ATP2B2: variants seen among roughly 807,000 people sequenced by gnomAD.
ATP2B2 encodes the protein plasma membrane calcium-transporting ATPase 2.
In ATP2B2, 15 loss-of-function variants were observed where a neutral mutation model predicts 120.0. That is an observed-to-expected ratio of 0.12 (90% CI 0.08 to 0.19). The LOEUF (loss-of-function observed/expected upper bound fraction) is 0.19, where lower values mean the gene tolerates loss of function less well. ATP2B2 is among the 10% of genes least tolerant of loss of function. ATP2B2 has a pLI of 1.00. For missense variants in ATP2B2, 1,045 were observed against 1,719.8 expected, an observed-to-expected ratio of 0.61 and a Z score of 6.94; for synonymous variants, 694 against 700.3, an observed-to-expected ratio of 0.99 and a Z score of 0.14.
chr3:10,368,454 C>T (rs537378342), intron 12 of ATP2B2, among the ~76,000 whole-genome samples: 1 of 152,150 alleles, frequency 6.6e-6, no homozygotes, highest in Admixed American at 6.5e-5. Flanking sequence ...CATATTCATC[C>T]ATCCATTCGT....
At chr3:10,570,659 T>C (rs1483167811) in intron 2 of ATP2B2, among the ~76,000 whole-genome samples, 1 of 152,220 alleles carries the variant, frequency 6.6e-6, no homozygotes, top group Non-Finnish European at 1.5e-5. Flanking sequence ...GCTGGCCTCT[T>C]GGTGGAGAGA....
chr3:10,565,042 T>A (rs2067981946), intron 2 of ATP2B2, among the ~76,000 whole-genome samples: 1 of 152,118 alleles, frequency 6.6e-6, no homozygotes, highest in Admixed American at 6.5e-5. Context: ...CTGGGGGGTG[T>A]GTGTCTTCCA....
At chr3:10,577,135 A>G (rs1341086620) in intron 2 of ATP2B2, among the ~76,000 whole-genome samples, 1 of 151,798 alleles carries the variant, frequency 6.6e-6, no homozygotes, top group Non-Finnish European at 1.5e-5. Flanking sequence ...ACTTGATGGA[A>G]GTCCAGGCAC....
chr3:10,513,952 A>G (rs542249742), intron 3 of ATP2B2, among the ~76,000 whole-genome samples: 1 of 152,302 alleles, frequency 6.6e-6, no homozygotes, highest in East Asian at 1.9e-4. Context: ...AAGAGGGGAC[A>G]CGCCCGCAAA....
intron 1 of ATP2B2, among the ~76,000 whole-genome samples, chr3:10,642,723 G>A (rs1009293516): frequency 3.3e-5 from 5 of 150,360 alleles, no homozygotes; most frequent in African/African-American, 9.8e-5. Context: ...AACAATGCCC[G>A]TGGATAATCT....
At chr3:10,488,288 T>TCCATCCATCCATCCAC (rs2065788088) in intron 1 of ATP2B2, among the ~76,000 whole-genome samples, 3 of 113,894 alleles carry the variant, frequency 2.6e-5, no homozygotes, top group Admixed American at 8.5e-5. Context: ...CATGCATCCA[T>TCCATCCATCCATCCAC]CCACCCACCC....
At chr3:10,566,353 G>A (rs1187345919) in intron 2 of ATP2B2, 6 of 152,202 alleles carry the variant, frequency 3.9e-5, no homozygotes, top group Admixed American at 6.5e-5. Flanking sequence ...CTGTGCTGGT[G>A]GCTCTTGGTC....
At chr3:10,412,322 C>T (rs1367068830) in intron 2 of ATP2B2, among the ~76,000 whole-genome samples, 2 of 152,202 alleles carry the variant, frequency 1.3e-5, no homozygotes, top group African/African-American at 2.4e-5. Context: ...GAAATTCAGG[C>T]GTGTGACCAG....
chr3:10,697,805 T>C (rs770635905), intron 1 of ATP2B2, among the ~76,000 whole-genome samples: 5 of 152,256 alleles, frequency 3.3e-5, no homozygotes, highest in Non-Finnish European at 7.3e-5. Flanking sequence ...TCTCAGGGTT[T>C]GATGGAGAAA....
Position 10,402,012 on chromosome 3 carries a change from T to A in ATP2B2, c.655+79A>T, listed in dbSNP as rs934179353. On this transcript the variant is annotated intron_variant, in intron 4 of 22. Coordinates refer to ENST00000360273, the MANE Select transcript of ATP2B2 (RefSeq NM_001001331.4). The surrounding 1 kb of genome is among the most constrained non-coding windows in gnomAD (Gnocchi z 4.9). ...GAATGCATCCCCTTCCTTGAGCCAA[T>A]CTCTTTGCATCAGCCTGGCCTGTCC... 1 of 1,599,352 alleles carries A rather than the reference T, an allele frequency of 6.3e-7. No homozygotes were observed. The highest frequency in any genetic ancestry group is 8.5e-7 in the Non-Finnish European group (1 of 1,177,252).
chr3:10,514,504 C>T (rs550782238), intron 3 of ATP2B2, among the ~76,000 whole-genome samples: 34 of 152,250 alleles, frequency 2.2e-4, no homozygotes, highest in Admixed American at 1.5e-3. Flanking sequence ...TGTGGACTTG[C>T]GGCGCATCAG....
At chr3:10,464,519 A>T (rs1467516014) in intron 1 of ATP2B2, among the ~76,000 whole-genome samples, 1 of 152,006 alleles carries the variant, frequency 6.6e-6, no homozygotes, top group Non-Finnish European at 1.5e-5. Context: ...CATGACCAAG[A>T]TTGCTATCTG....
rs940334322 is a variant in ATP2B2, at chr3:10,419,798, T to C, written c.200-8983A>G. Among the ~76,000 whole-genome samples, 3 of 152,220 alleles carry C rather than the reference T, an allele frequency of 2.0e-5. No individual in the cohort carries two copies. In the South Asian group the frequency reaches 6.2e-4, roughly 32 times the overall value. On this transcript the variant is annotated intron_variant, in intron 2 of 22. Coordinates refer to ENST00000360273, the MANE Select transcript of ATP2B2 (RefSeq NM_001001331.4). The stretch of plus-strand genomic sequence containing the variant: ...AGAGCTCAGCGGCCACCCTGCCCTG[T>C]TCCAGCCTGATCTAGTTGGGGGTAG...
At chr3:10,643,567 C>A (rs909961556) in intron 1 of ATP2B2, among the ~76,000 whole-genome samples, 3 of 152,162 alleles carry the variant, frequency 2.0e-5, no homozygotes, top group African/African-American at 7.2e-5. Context: ...CATCACATGC[C>A]TGGGAAAGAC....
intron 1 of ATP2B2, among the ~76,000 whole-genome samples, chr3:10,488,895 G>T (rs1464976569): frequency 6.6e-6 from 1 of 151,916 alleles, no homozygotes; most frequent in African/African-American, 2.4e-5. Context: ...TGCTCACAAG[G>T]CTCCTGTTGC....
intron 2 of ATP2B2, among the ~76,000 whole-genome samples, chr3:10,546,585 T>C (rs1030960884): frequency 1.3e-5 from 2 of 152,234 alleles, no homozygotes; most frequent in Admixed American, 6.5e-5. Context: ...TTCCAGACCC[T>C]GACTTGGGCC....
intron 2 of ATP2B2, among the ~76,000 whole-genome samples, chr3:10,423,027 G>C (rs753545266): frequency 4.9e-4 from 75 of 152,306 alleles, no homozygotes; most frequent in Middle Eastern, 6.8e-3. Context: ...TCTAGAAGCT[G>C]TGAAAACATC....
intron 1 of ATP2B2, among the ~76,000 whole-genome samples, chr3:10,645,958 C>T (rs2070311299): frequency 6.6e-6 from 1 of 152,170 alleles, no homozygotes; most frequent in Non-Finnish European, 1.5e-5. Flanking sequence ...CTGGGAGGAC[C>T]CACTTGATCC....
chr3:10,328,783 AGGGC>A lies in ATP2B2; in HGVS notation c.*27_*30del. The A allele has an allele frequency of 6.3e-7, 1 of 1,576,226 alleles. No homozygotes were observed. Among genetic ancestry groups the A allele is most frequent in the South Asian group, 1.2e-5 (1 of 84,892 alleles). ...AAAGCGGGTGGCAGCGGGGTCCATG[AGGGC>A]GGGCGGGCAGGCGAGAGGGTCCTCA... On this transcript the variant is annotated 3_prime_UTR_variant, in exon 23 of 23. Coordinates refer to ENST00000360273, the MANE Select transcript of ATP2B2 (RefSeq NM_001001331.4).
Sources: allele counts gnomAD v4.1 joint callset (sites outside exome capture counted in the v4.1 genomes callset), GRCh38; gene constraint gnomAD v4.1.1; non-coding constraint Gnocchi (gnomAD v3.1); transcripts MANE v1.5; gene names NCBI Gene and HGNC (gene_info 2026-07-23, HGNC 2026-07-21).